Variants in LYPLAL1 observed in about 807,000 individuals in gnomAD.
LYPLAL1 encodes the protein lysophospholipase like 1.
In LYPLAL1, 23 loss-of-function variants were observed where a neutral mutation model predicts 19.7. The observed-to-expected ratio is 1.17, with a 90% CI of 0.84 to 1.65. The LOEUF (loss-of-function observed/expected upper bound fraction) is 1.65. Among genes scored for constraint, LYPLAL1 ranks in the 40% most tolerant of loss-of-function variants. LYPLAL1 has a pLI of 0.00. For synonymous variants in LYPLAL1, 119 were observed against 96.3 expected (o/e 1.24, Z -1.38); for missense variants, 355 against 279.4 (o/e 1.27, Z -1.93).
chr1:219,327,874 A>G, the LYPLAL1 span, among the ~76,000 whole-genome samples: 3 of 151,288 alleles, frequency 2.0e-5, no homozygotes, highest in Non-Finnish European at 4.4e-5. Context: ...TGATTTTGAG[A>G]CCTCCCCAGC....
the LYPLAL1 span, among the ~76,000 whole-genome samples, chr1:219,242,879 T>C: frequency 2.6e-5 from 4 of 152,204 alleles, no homozygotes; most frequent in Non-Finnish European, 5.9e-5. Flanking sequence ...GAGTCAGGCC[T>C]GCAGACTGGA....
At chr1:219,357,666 T>C in the LYPLAL1 span, among the ~76,000 whole-genome samples, 1 of 152,160 alleles carries the variant, frequency 6.6e-6, no homozygotes, top group Non-Finnish European at 1.5e-5. Context: ...AACATGGTCT[T>C]GCCGTATAAT....
At chr1:219,421,940 C>G in the LYPLAL1 span, among the ~76,000 whole-genome samples, 1 of 152,134 alleles carries the variant, frequency 6.6e-6, no homozygotes, top group Non-Finnish European at 1.5e-5. Context: ...GTGTATTTCT[C>G]TTTCACCAAC....
chr1:219,281,278 G>A, the LYPLAL1 span, among the ~76,000 whole-genome samples: 2 of 151,054 alleles, frequency 1.3e-5, no homozygotes, highest in Admixed American at 1.3e-4. Flanking sequence ...TCTACCCTGT[G>A]CCAGTAACTT....
the LYPLAL1 span, among the ~76,000 whole-genome samples, chr1:219,232,744 AAAG>A: frequency 6.6e-6 from 1 of 152,200 alleles, no homozygotes; most frequent in Non-Finnish European, 1.5e-5. Flanking sequence ...ACATTTATCC[AAAG>A]AAGATATATA....
At chr1:219,367,945 A>ATTT in the LYPLAL1 span, among the ~76,000 whole-genome samples, 45 of 144,492 alleles carry the variant, frequency 3.1e-4, 1 homozygote, top group African/African-American at 6.9e-4. Context: ...TGGCTTTACA[A>ATTT]TTTTTTTTTT....
chr1:219,351,415 A>C, the LYPLAL1 span, among the ~76,000 whole-genome samples: 1 of 152,270 alleles, frequency 6.6e-6, no homozygotes, highest in East Asian at 1.9e-4. Context: ...ATCATCAAAG[A>C]GAAATCTCTC....
At chr1:219,251,859 T>C in the LYPLAL1 span, among the ~76,000 whole-genome samples, 2 of 152,160 alleles carry the variant, frequency 1.3e-5, no homozygotes, top group Non-Finnish European at 2.9e-5. Flanking sequence ...ATCTATAAAT[T>C]GCTTTGGGCA....
At chr1:219,388,258 A>C in the LYPLAL1 span, among the ~76,000 whole-genome samples, 1 of 152,144 alleles carries the variant, frequency 6.6e-6, no homozygotes, top group East Asian at 1.9e-4. Flanking sequence ...CCATGCAATC[A>C]GGGAAGAAAA....
the LYPLAL1 span, among the ~76,000 whole-genome samples, chr1:219,350,372 C>T: frequency 6.6e-6 from 1 of 152,052 alleles, no homozygotes; most frequent in East Asian, 1.9e-4. Context: ...GTTGTAGGAC[C>T]TAATATCCGT....
intron 3 of LYPLAL1, among the ~76,000 whole-genome samples, chr1:219,193,850 A>C (rs1311747320): frequency 6.6e-6 from 1 of 151,912 alleles, no homozygotes; most frequent in Non-Finnish European, 1.5e-5. Context: ...GGCATGTAGA[A>C]TATGAATGGT....
At chr1:219,225,437 C>A in the LYPLAL1 span, 17 of 152,226 alleles carry the variant, frequency 1.1e-4, no homozygotes, top group African/African-American at 3.9e-4. Flanking sequence ...ACTTTTTCTC[C>A]ATATAATATC....
At chr1:219,266,391 C>T in the LYPLAL1 span, among the ~76,000 whole-genome samples, 1 of 152,124 alleles carries the variant, frequency 6.6e-6, no homozygotes, top group Non-Finnish European at 1.5e-5. Flanking sequence ...TACGTCTTGT[C>T]CCACTAGAAG....
intron 2 of LYPLAL1, among the ~76,000 whole-genome samples, chr1:219,179,941 C>G (rs1041627236): frequency 1.3e-5 from 2 of 151,948 alleles, no homozygotes; most frequent in African/African-American, 4.8e-5. Context: ...GGAGCTACGC[C>G]CCAATCTGAT....
At chr1:219,428,946 C>CTG in the LYPLAL1 span, among the ~76,000 whole-genome samples, 1,810 of 151,626 alleles carry the variant, frequency 0.012, 31 homozygotes, top group African/African-American at 0.042. Context: ...GTGTGTGCAT[C>CTG]TGTGTGTGGT....
chr1:219,422,478 G>A, the LYPLAL1 span, among the ~76,000 whole-genome samples: 1 of 152,100 alleles, frequency 6.6e-6, no homozygotes, highest in Non-Finnish European at 1.5e-5. Context: ...GAGAGATTAT[G>A]GCAGGACAAA....
chr1:219,359,420 A>G, the LYPLAL1 span, among the ~76,000 whole-genome samples: 2 of 152,196 alleles, frequency 1.3e-5, no homozygotes, highest in South Asian at 2.1e-4. Context: ...AGAGCATAAA[A>G]CAACCATTAC....
the LYPLAL1 span, among the ~76,000 whole-genome samples, chr1:219,389,484 C>G: frequency 1.3e-5 from 2 of 152,084 alleles, no homozygotes; most frequent in African/African-American, 4.8e-5. Flanking sequence ...AAGGAGACAC[C>G]CTTACAAATG....
the LYPLAL1 span, among the ~76,000 whole-genome samples, chr1:219,401,464 T>C: frequency 6.6e-6 from 1 of 151,678 alleles, no homozygotes; most frequent in Non-Finnish European, 1.5e-5. Context: ...TTTTCAATAA[T>C]ATTTTTATTT....
Sources: allele counts gnomAD v4.1 joint callset (sites outside exome capture counted in the v4.1 genomes callset), GRCh38; gene constraint gnomAD v4.1.1; transcripts MANE v1.5; gene names NCBI Gene and HGNC (gene_info 2026-07-23, HGNC 2026-07-21).